SLC12A2: variants seen among roughly 807,000 people sequenced by gnomAD.
SLC12A2 encodes the protein solute carrier family 12 member 2, also known as Na-K-2Cl cotransporter 1.
SLC12A2 carries 67 observed loss-of-function variants against 136.3 expected under a neutral mutation model. The ratio of observed to expected loss-of-function variants is 0.49; its 90% CI spans 0.40 to 0.60. The LOEUF (loss-of-function observed/expected upper bound fraction) is 0.60, where lower values mean the gene tolerates loss of function less well. Ranked by LOEUF, SLC12A2 falls within the 20% of genes least tolerant of loss-of-function variation. The pLI, the probability that SLC12A2 is intolerant of heterozygous loss-of-function variation, is 0.00. For missense variants in SLC12A2, 1,322 were observed against 1,534.7 expected (o/e 0.86, Z 2.32); for synonymous variants, 619 against 562.9 (o/e 1.10, Z -1.41).
At chr5:128,175,547 C>A (rs1308759105) in intron 20 of SLC12A2, among the ~76,000 whole-genome samples, 3 of 151,264 alleles carry the variant, frequency 2.0e-5, no homozygotes, top group Admixed American at 2.0e-4. Flanking sequence ...CATTCTTTTT[C>A]TACAGAATCT....
chr5:128,172,185 A>G (rs1315898866), intron 19 of SLC12A2, among the ~76,000 whole-genome samples: 1 of 152,232 alleles, frequency 6.6e-6, no homozygotes, highest in East Asian at 1.9e-4. Flanking sequence ...CAGCAGACCT[A>G]ATAAATTTTT....
chr5:128,174,433 T>C, intron 19 of SLC12A2, 108 bp from the exon 20 acceptor site: 3 of 793,206 alleles, frequency 3.8e-6, no homozygotes, highest in Non-Finnish European at 5.9e-6. Context: ...AAGAAGCCAT[T>C]TATAATAAAC....
Position 128,146,921 on chromosome 5 carries a change from TGAG to T in SLC12A2, c.1774-700_1774-698del, listed in dbSNP as rs1762546580. On this transcript the variant is annotated intron_variant, in intron 10 of 26. Transcript: ENST00000262461. ...AACCAGTTTACTAGAATTATAGAAA[TGAG>T]AAGAGGTTAAGCAATACAATGATGA... is the stretch of plus-strand genomic sequence containing the variant. 4.0e-5 allele frequency among the ~76,000 whole-genome samples: 6 copies of T among 151,430 alleles called. 1 individual carries two copies. In the South Asian group the frequency reaches 1.2e-3, roughly 31 times the overall value.
chr5:128,182,938 A>T lies in SLC12A2; in HGVS notation c.3296A>T (p.Glu1099Val). 6.3e-7 allele frequency: 1 copy of T among 1,597,116 alleles called. No homozygotes were observed. The highest frequency in any genetic ancestry group is 8.6e-7 in the Non-Finnish European group (1 of 1,166,988). ...GATATCAATACCAAACCAAAGAAAG[A>T]AAAGTAAGTTACTCTACAAATTTCT... ...LGDINTKPKK[E>V]NIIAFEEIIE... is the part of the protein sequence containing the mutation. Residue 1099 changes from glutamate (E) to valine (V), a missense_variant, in exon 24 of 27, where the codon GAA (glutamate) becomes GTA (valine). Coordinates refer to ENST00000262461, the MANE Select transcript of SLC12A2 (RefSeq NM_001046.3).
At chr5:128,162,633 G>GT (rs1391718614) in intron 17 of SLC12A2, among the ~76,000 whole-genome samples, 1 of 152,110 alleles carries the variant, frequency 6.6e-6, no homozygotes, top group African/African-American at 2.4e-5. Context: ...AGGGAAGATG[G>GT]TGATCCTAAC....
intron 4 of SLC12A2, among the ~76,000 whole-genome samples, chr5:128,125,219 C>T (rs1443633147): frequency 1.3e-5 from 2 of 152,246 alleles, no homozygotes; most frequent in South Asian, 2.1e-4. Context: ...ACAGATTGCT[C>T]GAGTCTTCTC....
intron 1 of SLC12A2, among the ~76,000 whole-genome samples, chr5:128,107,091 G>A (rs922472530): frequency 1.3e-5 from 2 of 151,976 alleles, no homozygotes; most frequent in Middle Eastern, 3.4e-3. Context: ...AGATTTTCTT[G>A]TTCTGGCTTT....
At chr5:128,158,267 C>T (rs1337207824) in intron 16 of SLC12A2, 103 bp downstream of exon 16, 21 of 823,140 alleles carry the variant, frequency 2.6e-5, no homozygotes, top group Non-Finnish European at 3.8e-5. Flanking sequence ...TTGTGTGTCA[C>T]AGGGGTTTGG....
chr5:128,151,450 A>G, intron 14 of SLC12A2, 54 bp downstream of exon 14: 9 of 1,444,278 alleles, frequency 6.2e-6, no homozygotes, highest in Non-Finnish European at 8.5e-6. Flanking sequence ...AGAAGCTAGA[A>G]AACATCTAGA....
intron 10 of SLC12A2, 145 bp downstream of exon 10, chr5:128,142,126 A>G (rs999470613): frequency 4.3e-6 from 3 of 701,832 alleles, no homozygotes; most frequent in South Asian, 4.4e-5. Flanking sequence ...TTCTTGAGAT[A>G]GAGTCTCACT....
chr5:128,177,434 T>C (rs1449767176), intron 21 of SLC12A2: 2 of 256,456 alleles, frequency 7.8e-6, no homozygotes, highest in African/African-American at 4.6e-5. Flanking sequence ...AACTGCATGG[T>C]TTAGATGATA....
At chr5:128,142,235 T>G (rs1581106080) in intron 10 of SLC12A2, among the ~76,000 whole-genome samples, 1 of 152,198 alleles carries the variant, frequency 6.6e-6, no homozygotes. Flanking sequence ...CCCGCGTAGC[T>G]GGGACTATAG....
intron 4 of SLC12A2, among the ~76,000 whole-genome samples, chr5:128,121,806 C>T (rs1761591900): frequency 6.6e-6 from 1 of 152,150 alleles, no homozygotes; most frequent in Non-Finnish European, 1.5e-5. Flanking sequence ...GATTTTAGAG[C>T]CCTTTCCTGT....
Position 128,174,533 on chromosome 5 carries a change from G to T in SLC12A2, c.2804-8G>T. The stretch of plus-strand genomic sequence containing the variant: ...TAGATACTATTTTAAATAATTTTCT[G>T]TCTACAGAAGAATTATTGTCATCAC... On this transcript the variant is annotated splice_polypyrimidine_tract_variant and splice_region_variant and intron_variant, in intron 19 of 26. Transcript: ENST00000262461. The T allele has an allele frequency of 6.3e-7, 1 of 1,590,010 alleles. No individual in the cohort carries two copies. The highest frequency in any genetic ancestry group is 1.1e-5 in the South Asian group (1 of 87,538).
At chr5:128,090,424 C>CAT (rs1760265519) in intron 1 of SLC12A2, among the ~76,000 whole-genome samples, 1 of 151,976 alleles carries the variant, frequency 6.6e-6, no homozygotes, top group African/African-American at 2.4e-5. Flanking sequence ...TTATATGTTA[C>CAT]ATATATATAT....
chr5:128,152,912 G>GCAA lies in SLC12A2; in HGVS notation c.2363+107_2363+108insCAA, dbSNP rs570604155. ...ACATTTCACATTTTTAATCGGTCTT[G>GCAA]GGCAGTTTAATTATTCAAGAACAAA... is the stretch of plus-strand genomic sequence containing the variant. On this transcript the variant is annotated intron_variant, in intron 15 of 26. Transcript: ENST00000262461. 6.4e-5 allele frequency: 45 copies of GCAA among 698,264 alleles called. No homozygotes were observed. The African/African-American group carries it at 7.5e-4, about 12-fold the overall frequency. The allele number at this position is 698,264 out of a possible 1,614,324, so 43.3% of individuals were successfully genotyped here.
At chr5:128,151,553 A>G (rs1302858105) in intron 14 of SLC12A2, among the ~76,000 whole-genome samples, 157 bp downstream of exon 14, 4 of 147,500 alleles carry the variant, frequency 2.7e-5, no homozygotes, top group Non-Finnish European at 4.5e-5. Flanking sequence ...CCAAACTCCT[A>G]AAGTTTTTTT....
chr5:128,084,691 TC>T lies in SLC12A2; in HGVS notation c.739del (p.His247ThrfsTer37). On this transcript the variant is annotated frameshift_variant, in exon 1 of 27. Coordinates refer to ENST00000262461, the MANE Select transcript of SLC12A2 (RefSeq NM_001046.3). LOFTEE classifies it high-confidence loss of function. The surrounding 1 kb of genome is among the most constrained non-coding windows in gnomAD (Gnocchi z 5.6). The stretch of plus-strand genomic sequence containing the variant: ...CTGCTCCGGCCTAGCCTGGCGGAGC[TC>T]CACGACGAGCTGGAAAAGGTGAGCT... ...EKLLRPSLAE[L>X]HDELEKEPFE... 1 of 1,602,860 alleles carries T rather than the reference TC, an allele frequency of 6.2e-7. No individual in the cohort carries two copies.
In SLC12A2 at chr5:128,120,568, A is replaced by T. The variant is rs376008458; in HGVS notation, c.1048+5887A>T. On this transcript the variant is annotated intron_variant, in intron 4 of 26. Transcript: ENST00000262461. Reference sequence around the variant, plus strand: ...GTTCATGTCCTTTGTAGAGACATGGATGAAATTGGAAATCATCATTCTCAG... The same window carrying T: ...GTTCATGTCCTTTGTAGAGACATGGTTGAAATTGGAAATCATCATTCTCAG... Among the ~76,000 whole-genome samples the T allele has an allele frequency of 5.9e-5, 9 of 151,382 alleles. No individual in the cohort carries two copies. The East Asian group carries it at 1.2e-3, about 20-fold the overall frequency.
Sources: gnomAD v4.1 joint callset for allele counts (sites outside exome capture counted in the v4.1 genomes callset) on GRCh38, gnomAD v4.1.1 for gene constraint, Gnocchi (gnomAD v3.1) non-coding constraint, MANE v1.5 for transcripts, NCBI Gene and HGNC (gene_info 2026-07-23, HGNC 2026-07-21) for gene names.